GPC5: variants seen among roughly 807,000 people sequenced by gnomAD.
GPC5 encodes the protein glypican 5, also known as glypican-5.
Under a neutral mutation model 53.9 loss-of-function variants are expected in GPC5, and 47 were observed. The ratio of observed to expected loss-of-function variants is 0.87; its 90% CI spans 0.69 to 1.11. The LOEUF (loss-of-function observed/expected upper bound fraction) is 1.11, where lower values mean the gene tolerates loss of function less well. Ranked by LOEUF, GPC5 falls within the 50% of genes most tolerant of loss-of-function variation. The pLI is 0.00. For synonymous variants in GPC5, 286 were observed against 263.3 expected, an observed-to-expected ratio of 1.09 and a Z score of -0.84; for missense variants, 748 against 713.1, an observed-to-expected ratio of 1.05 and a Z score of -0.56.
In GPC5 at chr13:91,599,017, A is replaced by G. The variant is rs193027078; in HGVS notation, c.326-94170A>G. ...ACAAGTGCCAAAGGTTATCTTTACT[A>G]TAATATTTTAATCACCTATTTATTT... On this transcript the variant is annotated intron_variant, in intron 2 of 7. Coordinates refer to ENST00000377067, the MANE Select transcript of GPC5 (RefSeq NM_004466.6). Among the ~76,000 whole-genome samples the G allele has an allele frequency of 6.0e-4, 91 of 152,238 alleles. 1 individual carries two copies. The highest frequency in any genetic ancestry group is 4.3e-3 in the Admixed American group (66 of 15,286).
intron 5 of GPC5, among the ~76,000 whole-genome samples, chr13:91,855,669 A>C (rs1234159375): frequency 6.6e-6 from 1 of 151,636 alleles, no homozygotes; most frequent in Non-Finnish European, 1.5e-5. Context: ...TTTTCATGAT[A>C]TATGTCTCAA....
At chr13:92,229,821 C>T (rs974864939) in intron 7 of GPC5, among the ~76,000 whole-genome samples, 2 of 152,004 alleles carry the variant, frequency 1.3e-5, no homozygotes, top group Non-Finnish European at 2.9e-5. Context: ...TCTTCATGGC[C>T]TTAAAAACTC....
intron 6 of GPC5, among the ~76,000 whole-genome samples, chr13:92,123,868 C>T (rs1486825454): frequency 3.9e-5 from 6 of 151,928 alleles, no homozygotes; most frequent in Admixed American, 3.9e-4. Context: ...TTGAATAAAC[C>T]TTATTTAGGT....
intron 7 of GPC5, among the ~76,000 whole-genome samples, chr13:92,174,021 C>T (rs1305293390): frequency 6.6e-6 from 1 of 151,992 alleles, no homozygotes; most frequent in Non-Finnish European, 1.5e-5. Flanking sequence ...GGGAGGATCA[C>T]TTGAGTCCAG....
chr13:92,844,452 A>C lies in GPC5; in HGVS notation c.1562-21830A>C, dbSNP rs1878533850. Among the ~76,000 whole-genome samples, 3 of 152,186 alleles carry C rather than the reference A, an allele frequency of 2.0e-5. No individual in the cohort carries two copies. The South Asian group carries it at 6.2e-4, about 32-fold the overall frequency. On this transcript the variant is annotated intron_variant, in intron 7 of 7. Transcript: ENST00000377067. ...ATAGATATAAAGGAAATCTGGCAGA[A>C]GACTTAACCGGAGTAGAAACTTAAA...
At chr13:92,564,644 A>G (rs1402194508) in intron 7 of GPC5, among the ~76,000 whole-genome samples, 1 of 151,992 alleles carries the variant, frequency 6.6e-6, no homozygotes, top group African/African-American at 2.4e-5. Flanking sequence ...AGAGTACCCA[A>G]TGGGTAGTTT....
chr13:92,056,940 G>A (rs1233347702), intron 6 of GPC5, among the ~76,000 whole-genome samples: 1 of 152,166 alleles, frequency 6.6e-6, no homozygotes, highest in Non-Finnish European at 1.5e-5. Flanking sequence ...AATAGAAACA[G>A]ATGCTTTTGC....
At chr13:91,430,317 A>G (rs892157439) in intron 1 of GPC5, among the ~76,000 whole-genome samples, 1 of 152,214 alleles carries the variant, frequency 6.6e-6, no homozygotes, top group Non-Finnish European at 1.5e-5. Context: ...AGCCACACTG[A>G]TAGCCAACTG....
At chr13:92,315,311 T>C (rs1261214316) in intron 7 of GPC5, among the ~76,000 whole-genome samples, 1 of 152,106 alleles carries the variant, frequency 6.6e-6, no homozygotes, top group Non-Finnish European at 1.5e-5. Flanking sequence ...TCGGGTAGGA[T>C]AAATTGGGCT....
chr13:92,327,387 T>C (rs749499681), intron 7 of GPC5, among the ~76,000 whole-genome samples: 5 of 152,184 alleles, frequency 3.3e-5, no homozygotes, highest in Admixed American at 6.6e-5. Context: ...ATCTTACACA[T>C]TGGAGGAAAT....
intron 2 of GPC5, among the ~76,000 whole-genome samples, chr13:91,481,617 C>A (rs563997279): frequency 7.2e-5 from 11 of 152,110 alleles, no homozygotes; most frequent in African/African-American, 2.7e-4. Context: ...CTTACTCATG[C>A]CTTTGTGGGC....
At chr13:92,556,367 CA>C (rs1882493774) in intron 7 of GPC5, among the ~76,000 whole-genome samples, 1 of 151,724 alleles carries the variant, frequency 6.6e-6, no homozygotes, top group African/African-American at 2.4e-5. Flanking sequence ...TCTGGACTTT[CA>C]AAAACATTTT....
At chr13:92,747,421 T>C (rs1889266934) in intron 7 of GPC5, among the ~76,000 whole-genome samples, 1 of 152,180 alleles carries the variant, frequency 6.6e-6, no homozygotes, top group Non-Finnish European at 1.5e-5. Flanking sequence ...TGAGTGGTTA[T>C]ATTTAGTTTT....
intron 6 of GPC5, among the ~76,000 whole-genome samples, chr13:92,040,214 G>A: frequency 6.6e-6 from 1 of 152,208 alleles, no homozygotes; most frequent in East Asian, 1.9e-4. Flanking sequence ...GGTATGTGTG[G>A]AGTTTGCACT....
intron 1 of GPC5, among the ~76,000 whole-genome samples, chr13:91,432,215 GTGTGTGT>G (rs1879534012): frequency 7.8e-6 from 1 of 127,464 alleles, no homozygotes; most frequent in African/African-American, 3.8e-5. Context: ...GTGTGTGTGT[GTGTGTGT>G]GTGTGTGTGT....
intron 7 of GPC5, among the ~76,000 whole-genome samples, chr13:92,754,742 C>A (rs941054047): frequency 6.6e-6 from 1 of 151,552 alleles, no homozygotes; most frequent in Non-Finnish European, 1.5e-5. Flanking sequence ...AAGGCCATTA[C>A]ATAATGGTAA....
intron 2 of GPC5, among the ~76,000 whole-genome samples, chr13:91,548,848 G>T (rs559862028): frequency 6.6e-6 from 1 of 152,296 alleles, no homozygotes; most frequent in East Asian, 1.9e-4. Context: ...ATACAAAGGA[G>T]CAAAGATAGT....
At chr13:91,859,120 G>T (rs1161735881) in intron 5 of GPC5, among the ~76,000 whole-genome samples, 11 of 144,848 alleles carry the variant, frequency 7.6e-5, no homozygotes, top group African/African-American at 2.5e-4. Context: ...TTGATATTTT[G>T]TATTTTTTCA....
intron 2 of GPC5, among the ~76,000 whole-genome samples, chr13:91,502,254 A>T (rs1362242016): frequency 6.6e-6 from 1 of 151,790 alleles, no homozygotes; most frequent in African/African-American, 2.4e-5. Flanking sequence ...GTTTAATTAG[A>T]TCCCATTTGT....
Sources: gnomAD v4.1 joint callset for allele counts (sites outside exome capture counted in the v4.1 genomes callset) on GRCh38, gnomAD v4.1.1 for gene constraint, MANE v1.5 for transcripts, NCBI Gene and HGNC (gene_info 2026-07-23, HGNC 2026-07-21) for gene names.